Variants in RBMS3 observed in about 807,000 individuals in gnomAD.
The protein encoded by RBMS3 is RNA-binding motif, single-stranded-interacting protein 3.
In RBMS3, 27 loss-of-function variants were observed where a neutral mutation model predicts 66.8. The observed-to-expected ratio is 0.40, with a 90% CI of 0.30 to 0.56. RBMS3 has a LOEUF of 0.56. Ranked by LOEUF, RBMS3 falls within the 20% of genes least tolerant of loss-of-function variation. RBMS3 has a pLI of 0.40. For missense variants in RBMS3, 513 were observed against 549.5 expected, an observed-to-expected ratio of 0.93 and a Z score of 0.66; for synonymous variants, 188 against 183.0, an observed-to-expected ratio of 1.03 and a Z score of -0.22.
chr3:29,693,828 CTA>C (rs1045873906), intron 4 of RBMS3, among the ~76,000 whole-genome samples: 6 of 152,102 alleles, frequency 3.9e-5, no homozygotes, highest in Non-Finnish European at 1.5e-5. Context: ...TTTGAATTCT[CTA>C]TCTTTTCTGT....
chr3:29,664,676 G>T (rs2050684764), intron 4 of RBMS3, among the ~76,000 whole-genome samples: 2 of 148,814 alleles, frequency 1.3e-5, no homozygotes, highest in African/African-American at 2.5e-5. Flanking sequence ...AGGCTCAGAT[G>T]ATTAAAAAAA....
chr3:29,486,092 C>T (rs1021696572), intron 2 of RBMS3, among the ~76,000 whole-genome samples: 28 of 152,116 alleles, frequency 1.8e-4, no homozygotes, highest in African/African-American at 4.8e-4. Flanking sequence ...ATATTACATT[C>T]GTGGGTCTCG....
intron 6 of RBMS3, among the ~76,000 whole-genome samples, chr3:29,843,015 T>A (rs922445923): frequency 8.5e-5 from 13 of 152,188 alleles, no homozygotes; most frequent in African/African-American, 2.9e-4. Flanking sequence ...ACAACAGCCA[T>A]AGGAAACTAA....
At chr3:29,492,477 T>A (rs1468837712) in intron 3 of RBMS3, among the ~76,000 whole-genome samples, 3 of 152,074 alleles carry the variant, frequency 2.0e-5, no homozygotes, top group African/African-American at 7.3e-5. Flanking sequence ...TTTATTGGAA[T>A]TGCCAAGAAA....
chr3:29,391,887 A>C (rs2039313013), intron 1 of RBMS3, among the ~76,000 whole-genome samples: 1 of 152,196 alleles, frequency 6.6e-6, no homozygotes, highest in Non-Finnish European at 1.5e-5. Context: ...TTGACAATTA[A>C]ATGAGTTGTA....
intron 5 of RBMS3, among the ~76,000 whole-genome samples, chr3:29,755,884 C>T (rs2055390688): frequency 6.6e-6 from 1 of 152,162 alleles, no homozygotes; most frequent in Non-Finnish European, 1.5e-5. Flanking sequence ...TAGAGCAGGA[C>T]AGAGAGGACA....
intron 4 of RBMS3, among the ~76,000 whole-genome samples, chr3:29,692,381 C>T (rs950167258): frequency 2.0e-5 from 3 of 152,078 alleles, no homozygotes; most frequent in Non-Finnish European, 4.4e-5. Flanking sequence ...ATAATTTTAG[C>T]TTGTCAATAT....
At chr3:29,683,937 A>C (rs186990009) in intron 4 of RBMS3, among the ~76,000 whole-genome samples, 30 of 152,310 alleles carry the variant, frequency 2.0e-4, no homozygotes, top group Middle Eastern at 3.4e-3. Flanking sequence ...TCATATATTT[A>C]GGATCTTTTT....
At chr3:29,282,193 G>A (rs2031862056) in intron 1 of RBMS3, among the ~76,000 whole-genome samples, 1 of 152,042 alleles carries the variant, frequency 6.6e-6, no homozygotes, top group African/African-American at 2.4e-5. Context: ...CAACGGTGGG[G>A]GTAACTCAAA....
Position 29,756,492 on chromosome 3 carries a change from G to A in RBMS3, c.558-6418G>A, listed in dbSNP as rs188776242. ...CTTACATGGCAGTAGGCAAGAGAGT[G>A]TGTGCAGGGGAACTATCCTTTATAA... On this transcript the variant is annotated intron_variant, in intron 5 of 14. Transcript: ENST00000383767. Among the ~76,000 whole-genome samples, 222 of 152,224 alleles carry A rather than the reference G, an allele frequency of 1.5e-3. 1 individual carries two copies. The highest frequency in any genetic ancestry group is 5.1e-3 in the African/African-American group (210 of 41,540).
chr3:29,673,687 T>G (rs1365149277), intron 4 of RBMS3, among the ~76,000 whole-genome samples: 1 of 151,884 alleles, frequency 6.6e-6, no homozygotes, highest in African/African-American at 2.4e-5. Context: ...AAATATACCC[T>G]CCCAAGACTA....
At position 30,009,909 on chromosome 3, in the gene RBMS3, T is replaced by C. The variant is rs1358462230; in HGVS notation, c.*6047T>C. ...ATATATAAAAAAATAAGTTATTCCA[T>C]GCTTTTCAGGAACTGTAAAAATTAT... On this transcript the variant is annotated 3_prime_UTR_variant, in exon 15 of 15. Coordinates refer to ENST00000383767, the MANE Select transcript of RBMS3 (RefSeq NM_001003793.3). 6.6e-6 allele frequency: 1 copy of C among 152,084 alleles called. No homozygotes were observed. The highest frequency in any genetic ancestry group is 2.4e-5 in the African/African-American group (1 of 41,424). 9.4% of individuals were successfully genotyped at this position (152,084 alleles called of 1,614,324 possible).
chr3:29,497,760 T>G (rs2043808896), intron 3 of RBMS3, among the ~76,000 whole-genome samples: 2 of 151,948 alleles, frequency 1.3e-5, no homozygotes, highest in South Asian at 4.2e-4. Flanking sequence ...CCCAGGTAGT[T>G]AGGATTATTG....
chr3:29,536,623 A>G (rs1318875259), intron 3 of RBMS3, among the ~76,000 whole-genome samples: 1 of 152,210 alleles, frequency 6.6e-6, no homozygotes, highest in Non-Finnish European at 1.5e-5. Flanking sequence ...TACCAACCTC[A>G]TATGTTAGCC....
Position 29,369,855 on chromosome 3 carries a change from C to A in RBMS3, c.76-64888C>A, listed in dbSNP as rs191478432. On this transcript the variant is annotated intron_variant, in intron 1 of 14. Coordinates refer to ENST00000383767, the MANE Select transcript of RBMS3 (RefSeq NM_001003793.3). Reference sequence around the variant, plus strand: ...ATTTTTATCACACTCTCCAATTCTACCCCGATTTACAGTGATAAGTTTTCT... The same window carrying A: ...ATTTTTATCACACTCTCCAATTCTAACCCGATTTACAGTGATAAGTTTTCT... Among the ~76,000 whole-genome samples the A allele has an allele frequency of 7.2e-4, 110 of 152,150 alleles. 1 individual carries two copies. Among genetic ancestry groups the A allele is most frequent in the Admixed American group, 7.1e-3 (109 of 15,264 alleles).
intron 3 of RBMS3, among the ~76,000 whole-genome samples, chr3:29,562,952 G>A (rs1049889677): frequency 2.6e-5 from 4 of 152,166 alleles, no homozygotes; most frequent in African/African-American, 9.7e-5. Context: ...TAAAGTACTG[G>A]AGGTTGGAGA....
intron 7 of RBMS3, among the ~76,000 whole-genome samples, chr3:29,876,319 T>C (rs2059610272): frequency 6.6e-6 from 1 of 152,142 alleles, no homozygotes; most frequent in Admixed American, 6.5e-5. Flanking sequence ...AAAAATTATC[T>C]TTAGAAGTTC....
intron 1 of RBMS3, among the ~76,000 whole-genome samples, chr3:29,426,618 C>T (rs990185750): frequency 4.6e-5 from 7 of 152,202 alleles, no homozygotes; most frequent in African/African-American, 1.7e-4. Flanking sequence ...TTAGCCATCC[C>T]ATCCACAATG....
chr3:29,905,039 C>T (rs1241689888), intron 10 of RBMS3, among the ~76,000 whole-genome samples: 1 of 151,894 alleles, frequency 6.6e-6, no homozygotes, highest in Non-Finnish European at 1.5e-5. Flanking sequence ...ATGTATCAGT[C>T]TTTCTTTTAG....
Sources: allele counts gnomAD v4.1 joint callset (sites outside exome capture counted in the v4.1 genomes callset), GRCh38; gene constraint gnomAD v4.1.1; transcripts MANE v1.5; gene names NCBI Gene and HGNC (gene_info 2026-07-23, HGNC 2026-07-21).